ACADSB: variants seen among roughly 807,000 people sequenced by gnomAD.
ACADSB encodes short/branched chain specific acyl-CoA dehydrogenase, mitochondrial.
In ACADSB, 40 loss-of-function variants were observed where a neutral mutation model predicts 54.1. The observed-to-expected ratio is 0.74, with a 90% CI of 0.57 to 0.96. The LOEUF (loss-of-function observed/expected upper bound fraction) is 0.96. Among genes scored for constraint, ACADSB ranks in the 40% least tolerant of loss-of-function variants. The probability of loss-of-function intolerance (pLI) is 0.00; values close to 1 mark genes in which losing one functional copy is unlikely to be tolerated. For missense variants in ACADSB, 530 were observed against 510.4 expected (o/e 1.04, Z -0.37); for synonymous variants, 182 against 182.8 (o/e 1.00, Z 0.03).
In ACADSB at chr10:123,058,209, TG is replaced by T. The variant is rs1261996144; in HGVS notation, c.*4445del. 1.3e-5 allele frequency: 2 copies of T among 152,236 alleles called. No homozygotes were observed. The highest frequency in any genetic ancestry group is 2.9e-5 in the Non-Finnish European group (2 of 68,048). The allele number at this position is 152,236 out of a possible 1,614,324, so 9.4% of individuals were successfully genotyped here. ...AATGGTATGTATCGGATTGTTTTAATGTTATATATTGGATTGTATTCGATGT... is the reference window on the plus strand; with the variant it reads ...AATGGTATGTATCGGATTGTTTTAATTTATATATTGGATTGTATTCGATGT... On this transcript the variant is annotated 3_prime_UTR_variant, in exon 11 of 11. Coordinates refer to ENST00000358776, the MANE Select transcript of ACADSB (RefSeq NM_001609.4).
At position 123,056,315 on chromosome 10, in the gene ACADSB, A is replaced by G; in HGVS notation, c.*2550A>G. Reference sequence around the variant, plus strand: ...TGGCGGGAGGTGAAAAGCACTTCGTACATGGTGGTGGCAAGAGAAAATGAA... The same window carrying G: ...TGGCGGGAGGTGAAAAGCACTTCGTGCATGGTGGTGGCAAGAGAAAATGAA... On this transcript the variant is annotated 3_prime_UTR_variant, in exon 11 of 11. Transcript: ENST00000358776. 4.1e-6 allele frequency: 1 copy of G among 246,568 alleles called. No homozygotes were observed. The highest frequency in any genetic ancestry group is 7.9e-6 in the Non-Finnish European group (1 of 126,884). 15.3% of individuals were successfully genotyped at this position (246,568 alleles called of 1,614,324 possible).
At chr10:123,050,001 G>A (rs987861310) in intron 8 of ACADSB, among the ~76,000 whole-genome samples, 5 of 152,174 alleles carry the variant, frequency 3.3e-5, no homozygotes, top group Non-Finnish European at 4.4e-5. Flanking sequence ...GTTTGTGGGT[G>A]TTTAACTTAC....
intron 1 of ACADSB, among the ~76,000 whole-genome samples, chr10:123,017,991 T>C (rs1197283597): frequency 2.0e-5 from 3 of 152,080 alleles, no homozygotes; most frequent in Non-Finnish European, 4.4e-5. Context: ...TTGAAATGCT[T>C]CTTATTAGGC....
rs1311840961 is a variant in ACADSB at position 123,034,500 on chromosome 10, A to G, written c.187A>G (p.Met63Val). Reference sequence around the variant, plus strand: ...GCAAACATTTACAGATGAGGAAATGATGATAAAGAGTTCAGGTAAGTAAAT... The same window carrying G: ...GCAAACATTTACAGATGAGGAAATGGTGATAAAGAGTTCAGGTAAGTAAAT... ...PLQTFTDEEM[M>V]IKSSVKKFAQ... The change falls in exon 2 of 11, where the codon ATG (methionine) becomes GTG (valine). Residue 63 changes from methionine to valine, a missense_variant. Coordinates refer to ENST00000358776, the MANE Select transcript of ACADSB (RefSeq NM_001609.4). 1 of 1,609,544 alleles carries G rather than the reference A, an allele frequency of 6.2e-7. No individual in the cohort carries two copies. The highest frequency in any genetic ancestry group is 1.1e-5 in the South Asian group (1 of 91,082).
intron 1 of ACADSB, among the ~76,000 whole-genome samples, chr10:123,024,726 CGGGCCCAAGCAAGCAGCTCGTGGGGCT>C (rs1564747768): frequency 6.6e-6 from 1 of 152,196 alleles, no homozygotes; most frequent in Non-Finnish European, 1.5e-5. Context: ...AGGGTGGGGC[CGGGCCCAAGCAAGCAGCTCGTGGGGCT>C]GGGCCCAAGC....
chr10:123,024,963 AT>A (rs1850232037), intron 1 of ACADSB, among the ~76,000 whole-genome samples: 1 of 152,130 alleles, frequency 6.6e-6, no homozygotes, highest in Admixed American at 6.5e-5. Context: ...TCCAGACCCT[AT>A]TTCCTGCCTC....
In ACADSB at chr10:123,043,174, G is replaced by A; in HGVS notation, c.807+3G>A. The A allele has an allele frequency of 2.5e-6, 4 of 1,613,582 alleles. No individual in the cohort carries two copies. Among genetic ancestry groups the A allele is most frequent in the Non-Finnish European group, 3.4e-6 (4 of 1,179,640 alleles). On this transcript the variant is annotated splice_donor_region_variant and intron_variant, in intron 6 of 10. Transcript: ENST00000358776. ...CGTTAACATTCGAAAATGTCAAGGT[G>A]GGTATCGTAGACTAATCAGTAAAAG...
intron 3 of ACADSB, among the ~76,000 whole-genome samples, chr10:123,039,640 G>C (rs1850445360): frequency 6.6e-6 from 1 of 152,126 alleles, no homozygotes. Flanking sequence ...TAACTTGGCT[G>C]AAAAAGTCAA....
In ACADSB at chr10:123,046,221, C is replaced by T. The variant is rs11248370; in HGVS notation, c.901-988C>T. 0.032 allele frequency among the ~76,000 whole-genome samples: 4,799 copies of T among 152,186 alleles called. 622 individuals carry two copies. In the East Asian group the frequency reaches 0.41, roughly 13 times the overall value. On this transcript the variant is annotated intron_variant, in intron 7 of 10. Coordinates refer to ENST00000358776, the MANE Select transcript of ACADSB (RefSeq NM_001609.4). ...AATTTTTAACATATTATTCTGTTCT[C>T]TAGAGAGTTCAGAATAAAAGACTAA...
intron 2 of ACADSB, 95 bp downstream of exon 2, chr10:123,034,610 C>A: frequency 7.3e-7 from 1 of 1,367,828 alleles, no homozygotes; most frequent in Non-Finnish European, 1.0e-6. Flanking sequence ...CACCTCTGGG[C>A]TCAAGCTATC....
At chr10:123,035,889 T>G (rs1347612598) in intron 2 of ACADSB, among the ~76,000 whole-genome samples, 1 of 152,166 alleles carries the variant, frequency 6.6e-6, no homozygotes, top group Non-Finnish European at 1.5e-5. Context: ...GAGCCCCACC[T>G]TTTTTAAGGG....
At chr10:123,013,631 A>G (rs1850070847) in intron 1 of ACADSB, among the ~76,000 whole-genome samples, 1 of 152,228 alleles carries the variant, frequency 6.6e-6, no homozygotes, top group African/African-American at 2.4e-5. Flanking sequence ...GGTGGGCTGC[A>G]GGTCCCGGGG....
chr10:123,037,121 C>T (rs981048512), intron 2 of ACADSB, among the ~76,000 whole-genome samples: 39 of 152,202 alleles, frequency 2.6e-4, no homozygotes, highest in Non-Finnish European at 5.7e-4. Flanking sequence ...GGGGACGCTC[C>T]TGGCAGCTAG....
chr10:123,018,746 G>T (rs942371907), intron 1 of ACADSB, among the ~76,000 whole-genome samples: 6 of 152,274 alleles, frequency 3.9e-5, no homozygotes, highest in African/African-American at 1.4e-4. Context: ...AGGAGCAAAG[G>T]CACGTCTTAC....
intron 8 of ACADSB, among the ~76,000 whole-genome samples, chr10:123,049,987 A>G (rs1028077097): frequency 6.6e-6 from 1 of 152,228 alleles, no homozygotes; most frequent in Non-Finnish European, 1.5e-5. Flanking sequence ...GACTCTGCAC[A>G]TAGGTTTGTG....
In ACADSB at chr10:123,034,491, G is replaced by A. The variant is rs759968674; in HGVS notation, c.178G>A (p.Glu60Lys). Residue 60 changes from glutamate to lysine, a missense_variant, in exon 2 of 11, where the codon GAG becomes AAG. Coordinates refer to ENST00000358776, the MANE Select transcript of ACADSB (RefSeq NM_001609.4). ...TGCTCCCCTGCAAACATTTACAGAT[G>A]AGGAAATGATGATAAAGAGTTCAGG... is the stretch of plus-strand genomic sequence containing the variant. ...HFAPLQTFTD[E>K]EMMIKSSVKK... is the part of the protein sequence containing the mutation. 1.2e-6 allele frequency: 2 copies of A among 1,610,666 alleles called. No homozygotes were observed. The highest frequency in any genetic ancestry group is 1.1e-5 in the South Asian group (1 of 91,084).
chr10:123,040,743 G>C, intron 4 of ACADSB, 71 bp downstream of exon 4: 1 of 1,462,672 alleles, frequency 6.8e-7, no homozygotes, highest in Non-Finnish European at 9.5e-7. Flanking sequence ...CAGGAAAAAA[G>C]TAGCTGCAAT....
intron 5 of ACADSB, among the ~76,000 whole-genome samples, chr10:123,042,000 G>C (rs1333131278): frequency 2.2e-5 from 3 of 138,302 alleles, no homozygotes; most frequent in Non-Finnish European, 4.6e-5. Context: ...GAGTCTCGCT[G>C]TATCTCCTAG....
At chr10:123,024,096 A>G (rs1227465232) in intron 1 of ACADSB, among the ~76,000 whole-genome samples, 2 of 152,160 alleles carry the variant, frequency 1.3e-5, no homozygotes, top group African/African-American at 4.8e-5. Context: ...GTAATCCCCA[A>G]CTTTTAGCAT....
Sources: allele counts gnomAD v4.1 joint callset (sites outside exome capture counted in the v4.1 genomes callset), GRCh38; gene constraint gnomAD v4.1.1; transcripts MANE v1.5; gene names NCBI Gene and HGNC (gene_info 2026-07-23, HGNC 2026-07-21).